Variants in LIPK observed in about 807,000 individuals in gnomAD.
LIPK encodes lipase member K.
In LIPK, 32 loss-of-function variants were observed where a neutral mutation model predicts 48.6. That is an observed-to-expected ratio of 0.66 (90% CI 0.50 to 0.88). The LOEUF (loss-of-function observed/expected upper bound fraction) is 0.88, where lower values mean the gene tolerates loss of function less well. Among genes scored for constraint, LIPK ranks in the 40% least tolerant of loss-of-function variants. LIPK has a pLI of 0.00. For synonymous variants in LIPK, 164 were observed against 157.4 expected, an observed-to-expected ratio of 1.04 and a Z score of -0.32; for missense variants, 507 against 478.5, an observed-to-expected ratio of 1.06 and a Z score of -0.56.
rs1418731038 is a variant in LIPK, at chr10:88,749,136, A to G, written c.961-3381A>G. The stretch of plus-strand genomic sequence containing the variant: ...AGAAATCAGAGATGATACAAATGGA[A>G]AAACATTCCATGTTCATGGATAGGA... On this transcript the variant is annotated intron_variant, in intron 9 of 9. Coordinates refer to ENST00000404190, the MANE Select transcript of LIPK (RefSeq NM_001080518.2). Among the ~76,000 whole-genome samples the G allele has an allele frequency of 9.2e-5, 14 of 152,212 alleles. 1 individual carries two copies. Among genetic ancestry groups the G allele is most frequent in the Admixed American group, 9.2e-4 (14 of 15,270 alleles).
chr10:88,709,176 T>C (rs923264262), intron 1 of LIPK, among the ~76,000 whole-genome samples: 1 of 152,212 alleles, frequency 6.6e-6, no homozygotes, highest in African/African-American at 2.4e-5. Context: ...TTTTCATTTT[T>C]TGAATAGATG....
At chr10:88,723,339 G>T (rs1590137763) in intron 1 of LIPK, among the ~76,000 whole-genome samples, 1 of 152,060 alleles carries the variant, frequency 6.6e-6, no homozygotes, top group African/African-American at 2.4e-5. Context: ...TATTATTATT[G>T]CTGCCATAGA....
intron 2 of LIPK, among the ~76,000 whole-genome samples, chr10:88,726,226 G>A (rs750309185): frequency 6.6e-6 from 1 of 152,284 alleles, no homozygotes; most frequent in Non-Finnish European, 1.5e-5. Context: ...TACCAGGCCA[G>A]CAGGCAAAAC....
At chr10:88,725,915 A>G (rs1177693029) in intron 2 of LIPK, among the ~76,000 whole-genome samples, 1 of 152,206 alleles carries the variant, frequency 6.6e-6, no homozygotes, top group African/African-American at 2.4e-5. Flanking sequence ...TTTCAGTTCA[A>G]TTCAGCCAAT....
chr10:88,730,581 G>A (rs410725), intron 3 of LIPK, among the ~76,000 whole-genome samples: 32,328 of 152,114 alleles, frequency 0.21, 3,629 homozygotes, highest in East Asian at 0.36. Context: ...GAGCCACCGC[G>A]CCTGGCAACC....
At chr10:88,750,783 T>A (rs1436380715) in intron 9 of LIPK, among the ~76,000 whole-genome samples, 1 of 152,104 alleles carries the variant, frequency 6.6e-6, no homozygotes, top group African/African-American at 2.4e-5. Context: ...AGCCTGCACA[T>A]GTACCCCCTG....
At position 88,740,047 on chromosome 10, in the gene LIPK, A is replaced by C. The variant is rs1842650121; in HGVS notation, c.868A>C (p.Asn290His). 2 of 1,612,610 alleles carry C rather than the reference A, an allele frequency of 1.2e-6. No homozygotes were observed. The highest frequency in any genetic ancestry group is 2.2e-5 in the South Asian group (2 of 90,968). Reference protein sequence around the residue: ...SHNPAGTSVQNMLHWAQAVNS... With the variant: ...SHNPAGTSVQHMLHWAQAVNS... Reference sequence around the variant, plus strand: ...CAATCCTGCGGGAACATCTGTTCAGAATATGCTGCACTGGGCTCAGGTAAG... The same window carrying C: ...CAATCCTGCGGGAACATCTGTTCAGCATATGCTGCACTGGGCTCAGGTAAG... The change falls in exon 8 of 10, where the codon AAT becomes CAT. Residue 290 changes from asparagine to histidine, a missense_variant. Transcript: ENST00000404190.
chr10:88,750,147 C>A (rs1443542350), intron 9 of LIPK, among the ~76,000 whole-genome samples: 1 of 151,996 alleles, frequency 6.6e-6, no homozygotes, highest in East Asian at 1.9e-4. Flanking sequence ...ATTTAAAAGT[C>A]AAAAAATAAC....
At chr10:88,738,969 G>C (rs542335606) in intron 7 of LIPK, among the ~76,000 whole-genome samples, 73 of 152,258 alleles carry the variant, frequency 4.8e-4, no homozygotes, top group African/African-American at 1.7e-3. Flanking sequence ...CAGTACATTT[G>C]GATAGCTTAT....
intron 1 of LIPK, among the ~76,000 whole-genome samples, chr10:88,719,835 G>A (rs1041010147): frequency 2.6e-5 from 4 of 152,226 alleles, no homozygotes; most frequent in East Asian, 1.9e-4. Context: ...TGGAATTAAG[G>A]TCTCTATTAC....
At chr10:88,708,861 A>G (rs1841979877) in intron 1 of LIPK, among the ~76,000 whole-genome samples, 1 of 152,068 alleles carries the variant, frequency 6.6e-6, no homozygotes, top group Non-Finnish European at 1.5e-5. Flanking sequence ...TGATCAGTAG[A>G]TTATTCTCTG....
At chr10:88,711,669 T>C (rs531647385) in intron 1 of LIPK, among the ~76,000 whole-genome samples, 1 of 152,242 alleles carries the variant, frequency 6.6e-6, no homozygotes, top group Non-Finnish European at 1.5e-5. Context: ...GAGATGGGGT[T>C]TTACCATGTT....
chr10:88,746,218 T>C (rs1273981485), intron 9 of LIPK, among the ~76,000 whole-genome samples: 3 of 152,116 alleles, frequency 2.0e-5, no homozygotes, highest in East Asian at 3.9e-4. Context: ...AGACAGATCT[T>C]TGATGCAGAA....
intron 1 of LIPK, among the ~76,000 whole-genome samples, chr10:88,716,767 G>A (rs1268436617): frequency 6.6e-6 from 1 of 152,102 alleles, no homozygotes; most frequent in Non-Finnish European, 1.5e-5. Context: ...CTATTTGAGG[G>A]GATACTGGAT....
rs1246103731 is a variant in LIPK, at chr10:88,737,733, C to G, written c.768C>G (p.Ser256Arg). Residue 256 changes from serine to arginine, a missense_variant, in exon 7 of 10, where the codon AGC (serine) becomes AGG (arginine). By Grantham distance (110) the Ser-to-Arg change is moderately radical. Coordinates refer to ENST00000404190, the MANE Select transcript of LIPK (RefSeq NM_001080518.2). ...CNRKLFRRIC[S>R]NFLFTLSGFD... ...GAAAGCTATTCCGTCGTATTTGCAG[C>G]AACTTCCTATTTACTCTGAGTGGAT... 1 of 1,613,876 alleles carries G rather than the reference C, an allele frequency of 6.2e-7. No individual in the cohort carries two copies. Among genetic ancestry groups the G allele is most frequent in the African/African-American group, 1.3e-5 (1 of 75,040 alleles).
At chr10:88,718,353 A>G (rs915038120) in intron 1 of LIPK, among the ~76,000 whole-genome samples, 2 of 148,468 alleles carry the variant, frequency 1.3e-5, no homozygotes, top group Non-Finnish European at 3.0e-5. Context: ...AATTTTATAT[A>G]TATACTTTAG....
intron 9 of LIPK, among the ~76,000 whole-genome samples, chr10:88,745,324 T>C (rs1357581584): frequency 6.6e-6 from 1 of 152,032 alleles, no homozygotes; most frequent in African/African-American, 2.4e-5. Context: ...CCAAGACACA[T>C]AGTCATCAGA....
At chr10:88,719,543 T>G (rs1211930954) in intron 1 of LIPK, among the ~76,000 whole-genome samples, 1 of 152,238 alleles carries the variant, frequency 6.6e-6, no homozygotes, top group Admixed American at 6.5e-5. Context: ...ATTCAGGGAT[T>G]CATCATTAGC....
At chr10:88,716,338 G>T (rs1842116412) in intron 1 of LIPK, among the ~76,000 whole-genome samples, 1 of 149,104 alleles carries the variant, frequency 6.7e-6, no homozygotes, top group South Asian at 2.1e-4. Flanking sequence ...GAGGAAATCA[G>T]AGAATTCAGG....
Sources: allele counts gnomAD v4.1 joint callset (sites outside exome capture counted in the v4.1 genomes callset), GRCh38; gene constraint gnomAD v4.1.1; transcripts MANE v1.5; gene names NCBI Gene and HGNC (gene_info 2026-07-23, HGNC 2026-07-21).